The following NUBPL variants were observed in gnomAD, a reference collection of about 807,000 sequenced individuals.
NUBPL encodes iron-sulfur cluster transfer protein NUBPL.
NUBPL carries 31 observed loss-of-function variants against 45.7 expected under a neutral mutation model. The ratio of observed to expected loss-of-function variants is 0.68; its 90% CI spans 0.51 to 0.92. The LOEUF is 0.92. Among genes scored for constraint, NUBPL ranks in the 40% least tolerant of loss-of-function variants. The pLI, the probability that NUBPL is intolerant of heterozygous loss-of-function variation, is 0.00. For synonymous variants in NUBPL, 144 were observed against 140.9 expected (o/e 1.02, Z -0.15); for missense variants, 401 against 398.7 (o/e 1.01, Z -0.05).
intron 8 of NUBPL, among the ~76,000 whole-genome samples, chr14:31,840,505 C>T (rs778959273): frequency 3.3e-5 from 5 of 150,454 alleles, no homozygotes; most frequent in Admixed American, 6.7e-5. Flanking sequence ...ACCCAGAAGG[C>T]GGAGCTTGCA....
chr14:31,789,543 G>C (rs1322713879), intron 7 of NUBPL, among the ~76,000 whole-genome samples: 1 of 151,912 alleles, frequency 6.6e-6, no homozygotes, highest in African/African-American at 2.4e-5. Context: ...CCTTTATTTT[G>C]AATCTGTTTC....
intron 4 of NUBPL, among the ~76,000 whole-genome samples, chr14:31,614,472 C>A (rs2034844117): frequency 6.6e-6 from 1 of 152,102 alleles, no homozygotes; most frequent in Non-Finnish European, 1.5e-5. Flanking sequence ...TACACACATA[C>A]ACACACATAC....
intron 8 of NUBPL, among the ~76,000 whole-genome samples, chr14:31,842,203 A>G (rs2040388043): frequency 6.6e-6 from 1 of 151,640 alleles, no homozygotes; most frequent in East Asian, 1.9e-4. Context: ...TGGGATTACA[A>G]GCATAAGCCA....
chr14:31,826,431 T>A (rs752687947), intron 7 of NUBPL, among the ~76,000 whole-genome samples, 198 bp from the exon 8 acceptor site: 7 of 152,142 alleles, frequency 4.6e-5, no homozygotes, highest in African/African-American at 1.7e-4. Flanking sequence ...CAGTTGTGAT[T>A]TTAGAAGTGA....
intron 7 of NUBPL, among the ~76,000 whole-genome samples, chr14:31,811,863 C>G (rs1326975336): frequency 6.6e-6 from 1 of 152,152 alleles, no homozygotes; most frequent in Non-Finnish European, 1.5e-5. Flanking sequence ...AGTTTTTCTT[C>G]TACCAGTCAG....
At chr14:31,656,136 ACTTTT>A (rs1253583697) in intron 4 of NUBPL, among the ~76,000 whole-genome samples, 1 of 152,012 alleles carries the variant, frequency 6.6e-6, no homozygotes, top group African/African-American at 2.4e-5. Context: ...CTACCTTCCA[ACTTTT>A]CTTCTGTATC....
At chr14:31,791,389 G>A (rs956238483) in intron 7 of NUBPL, among the ~76,000 whole-genome samples, 11 of 152,144 alleles carry the variant, frequency 7.2e-5, no homozygotes, top group East Asian at 1.9e-4. Context: ...TAAATGCCTA[G>A]CACTATAGAG....
chr14:31,753,897 A>G (rs1048942345), intron 6 of NUBPL, among the ~76,000 whole-genome samples: 1 of 152,230 alleles, frequency 6.6e-6, no homozygotes, highest in Non-Finnish European at 1.5e-5. Context: ...CTGAAAAATC[A>G]TAAGTTAAAT....
At chr14:31,604,516 T>G (rs1407200946) in intron 4 of NUBPL, among the ~76,000 whole-genome samples, 1 of 152,182 alleles carries the variant, frequency 6.6e-6, no homozygotes, top group Non-Finnish European at 1.5e-5. Context: ...AATCCCACCT[T>G]TATAGGTGTT....
At chr14:31,821,125 A>AAAATAAAT (rs71439870) in intron 7 of NUBPL, among the ~76,000 whole-genome samples, 125 of 150,706 alleles carry the variant, frequency 8.3e-4, no homozygotes, top group South Asian at 1.9e-3. Flanking sequence ...CTCCATCTCA[A>AAAATAAAT]AAATAAATAA....
At chr14:31,627,507 G>A (rs959055347) in intron 4 of NUBPL, among the ~76,000 whole-genome samples, 2 of 151,884 alleles carry the variant, frequency 1.3e-5, no homozygotes, top group African/African-American at 2.4e-5. Flanking sequence ...GGCCGGGCAC[G>A]GTGGCTCACG....
intron 4 of NUBPL, among the ~76,000 whole-genome samples, chr14:31,604,276 G>A (rs2034525830): frequency 6.6e-6 from 1 of 151,596 alleles, no homozygotes; most frequent in Non-Finnish European, 1.5e-5. Flanking sequence ...AAAAGAATGT[G>A]GAATCTTAAA....
At chr14:31,751,084 AT>A (rs1405017293) in intron 6 of NUBPL, among the ~76,000 whole-genome samples, 1 of 152,172 alleles carries the variant, frequency 6.6e-6, no homozygotes, top group Non-Finnish European at 1.5e-5. Context: ...CACCTGCATG[AT>A]TTGATCACCT....
intron 8 of NUBPL, among the ~76,000 whole-genome samples, chr14:31,831,543 C>T (rs867981045): frequency 2.1e-4 from 31 of 145,374 alleles, no homozygotes; most frequent in African/African-American, 6.8e-4. Flanking sequence ...AGCTCTATGA[C>T]CACCTGTCTC....
At chr14:31,567,236 T>C (rs1294118905) in intron 3 of NUBPL, among the ~76,000 whole-genome samples, 1 of 152,216 alleles carries the variant, frequency 6.6e-6, no homozygotes, top group African/African-American at 2.4e-5. Context: ...ACCAGTGTTT[T>C]CCCTCTCAAA....
At chr14:31,759,249 TGTC>T (rs2038744316) in intron 6 of NUBPL, among the ~76,000 whole-genome samples, 1 of 152,158 alleles carries the variant, frequency 6.6e-6, no homozygotes, top group East Asian at 1.9e-4. Flanking sequence ...TATTGTGGCT[TGTC>T]GTGTAGAAAA....
chr14:31,578,276 A>G (rs1678857694), intron 3 of NUBPL, among the ~76,000 whole-genome samples: 2 of 152,230 alleles, frequency 1.3e-5, no homozygotes, highest in African/African-American at 4.8e-5. Flanking sequence ...AATTTAGGAA[A>G]GTGGGCAAGT....
rs1438027467 is a variant in NUBPL at position 31,841,927 on chromosome 14, T to G, written c.694-4544T>G. The stretch of plus-strand genomic sequence containing the variant: ...TGGGTCGATTCTGGGCTTTTTTTTT[T>G]TTTTTTTTTTTTTTTTTTTTTGAGA... On this transcript the variant is annotated intron_variant, in intron 8 of 10. Coordinates refer to ENST00000281081, the MANE Select transcript of NUBPL (RefSeq NM_025152.3). 5.6e-3 allele frequency among the ~76,000 whole-genome samples: 643 copies of G among 115,740 alleles called. 84 individuals carry two copies. The highest frequency in any genetic ancestry group is 9.3e-3 in the Non-Finnish European group (520 of 55,980). 75.9% of individuals were successfully genotyped at this position (115,740 alleles called of 152,430 possible).
chr14:31,813,240 G>T (rs973955987), intron 7 of NUBPL, among the ~76,000 whole-genome samples: 1 of 151,844 alleles, frequency 6.6e-6, no homozygotes. Flanking sequence ...GCCTTCCTCG[G>T]CCTCCCGAAG....
Sources: gnomAD v4.1 joint callset for allele counts (sites outside exome capture counted in the v4.1 genomes callset) on GRCh38, gnomAD v4.1.1 for gene constraint, MANE v1.5 for transcripts, NCBI Gene and HGNC (gene_info 2026-07-23, HGNC 2026-07-21) for gene names.